The following ZNF814 variants were observed in gnomAD, a reference collection of about 807,000 sequenced individuals.
ZNF814 encodes the protein zinc finger protein 814.
In ZNF814, 5 loss-of-function variants were observed where a neutral mutation model predicts 7.5. The ratio of observed to expected loss-of-function variants is 0.67; its 90% CI spans 0.35 to 1.40. The LOEUF (loss-of-function observed/expected upper bound fraction) is 1.40, where lower values mean the gene tolerates loss of function less well. Ranked by LOEUF, ZNF814 falls within the 40% of genes most tolerant of loss-of-function variation. ZNF814 has a pLI of 0.04. For synonymous variants in ZNF814, 315 were observed against 340.7 expected (o/e 0.92, Z 0.83); for missense variants, 962 against 1,018.0 (o/e 0.94, Z 0.75).
chr19:57,897,172 C>A, the ZNF814 span, among the ~76,000 whole-genome samples: 1 of 152,134 alleles, frequency 6.6e-6, no homozygotes, highest in Non-Finnish European at 1.5e-5. Flanking sequence ...TGTAATACAG[C>A]TTCTTACATA....
the ZNF814 span, among the ~76,000 whole-genome samples, chr19:57,894,689 C>A: frequency 1.3e-5 from 2 of 151,736 alleles, no homozygotes; most frequent in Admixed American, 1.3e-4. Context: ...AAAAAATTAG[C>A]CGGGCGTGGT....
chr19:57,897,074 A>G, the ZNF814 span, among the ~76,000 whole-genome samples: 1 of 152,244 alleles, frequency 6.6e-6, no homozygotes, highest in African/African-American at 2.4e-5. Context: ...TCTGTCTGAC[A>G]AGGACCTAAA....
At position 57,888,932 on chromosome 19, in the gene ZNF814, T is replaced by C. The variant is rs1600141510; in HGVS notation, c.-130A>G. The C allele has an allele frequency of 2.0e-6, 2 of 1,023,776 alleles. No homozygotes were observed. The highest frequency in any genetic ancestry group is 2.6e-5 in the East Asian group (1 of 38,102). 63.4% of individuals were successfully genotyped at this position (1,023,776 alleles called of 1,614,324 possible). A position where few individuals can be genotyped will look rare whatever the true frequency, so the allele number is the denominator to read the frequency against. On this transcript the variant is annotated 5_prime_UTR_variant, in exon 1 of 3. Coordinates refer to ENST00000435989, the MANE Select transcript of ZNF814 (RefSeq NM_001144989.2). ...CGTCACAGAGCTCCAGAGTAGCCTC[T>C]GTGCAGCGGAGGACAACTGCTCCCC...
chr19:57,903,359 G>A, the ZNF814 span, among the ~76,000 whole-genome samples: 3 of 152,264 alleles, frequency 2.0e-5, no homozygotes, highest in African/African-American at 4.8e-5. Context: ...GGCCCAAACA[G>A]ATCAAAATAT....
At chr19:57,882,763 C>A (rs2071658745) in intron 1 of ZNF814, among the ~76,000 whole-genome samples, 1 of 150,164 alleles carries the variant, frequency 6.7e-6, no homozygotes, top group Admixed American at 6.6e-5. Flanking sequence ...CTTTCAAATA[C>A]CTGGAAACTC....
Position 57,872,293 on chromosome 19 carries a change from G to A in ZNF814, c.*529C>T, listed in dbSNP as rs1479400043. Among the ~76,000 whole-genome samples, 1 of 152,172 alleles carries A rather than the reference G, an allele frequency of 6.6e-6. No homozygotes were observed. The highest frequency in any genetic ancestry group is 1.5e-5 in the Non-Finnish European group (1 of 68,040). On this transcript the variant is annotated 3_prime_UTR_variant, in exon 3 of 3. Coordinates refer to ENST00000435989, the MANE Select transcript of ZNF814 (RefSeq NM_001144989.2). ...TGTTTTTCTCATGTCAATGTTTGAG[G>A]CTCCAATAAAAAGGCTGAAGGCTTT...
At chr19:57,894,642 A>G in the ZNF814 span, among the ~76,000 whole-genome samples, 1 of 151,494 alleles carries the variant, frequency 6.6e-6, no homozygotes, top group Admixed American at 6.6e-5. Context: ...ATCCTGGCTA[A>G]CACGGTGAAA....
At chr19:57,877,439 AT>A (rs2071615676) in intron 1 of ZNF814, among the ~76,000 whole-genome samples, 1 of 151,470 alleles carries the variant, frequency 6.6e-6, no homozygotes, top group Non-Finnish European at 1.5e-5. Flanking sequence ...CTTAAAGTAT[AT>A]TTTTTTGTTT....
chr19:57,878,028 T>G (rs2071620256), intron 1 of ZNF814, among the ~76,000 whole-genome samples: 1 of 151,746 alleles, frequency 6.6e-6, no homozygotes, highest in Non-Finnish European at 1.5e-5. Flanking sequence ...TAGCTGAGCG[T>G]GGTGTCGGGC....
At chr19:57,894,057 T>A (rs1380777631), upstream of ZNF814, among the ~76,000 whole-genome samples, 1 of 150,476 alleles carries the variant, frequency 6.6e-6, no homozygotes, top group Non-Finnish European at 1.5e-5. Flanking sequence ...CACTCCAGCC[T>A]GGGTGACAGA....
At chr19:57,902,380 G>A in the ZNF814 span, among the ~76,000 whole-genome samples, 25 of 152,218 alleles carry the variant, frequency 1.6e-4, no homozygotes, top group African/African-American at 5.5e-4. Flanking sequence ...AACCATACAC[G>A]GTACATTCAG....
At chr19:57,876,383 T>G (rs552891018) in intron 2 of ZNF814, 2 of 155,584 alleles carry the variant, frequency 1.3e-5, no homozygotes, top group Admixed American at 1.3e-4. Context: ...ACATGGGACA[T>G]GAATGATGCA....
chr19:57,888,304 C>T (rs1342443998), intron 1 of ZNF814, among the ~76,000 whole-genome samples: 1 of 152,234 alleles, frequency 6.6e-6, no homozygotes, highest in Admixed American at 6.5e-5. Context: ...CCTTCGAACT[C>T]CATTTAGCTC....
chr19:57,880,053 T>C (rs570316541), intron 1 of ZNF814, among the ~76,000 whole-genome samples: 590 of 115,746 alleles, frequency 5.1e-3, no homozygotes, highest in Middle Eastern at 0.026. Flanking sequence ...GCAGAGATCA[T>C]GCTACTGCAC....
At chr19:57,894,624 T>C in the ZNF814 span, among the ~76,000 whole-genome samples, 6 of 151,112 alleles carry the variant, frequency 4.0e-5, no homozygotes, top group African/African-American at 1.5e-4. Context: ...GGTCAGGAGA[T>C]CCAGACCATC....
upstream of ZNF814, among the ~76,000 whole-genome samples, chr19:57,892,747 G>C (rs555362640): frequency 7.2e-5 from 11 of 151,800 alleles, no homozygotes; most frequent in Admixed American, 5.3e-4. Context: ...CAATGGGAGT[G>C]GGGGGGGCTT....
At chr19:57,877,892 C>G (rs13343787) in intron 1 of ZNF814, among the ~76,000 whole-genome samples, 43,945 of 151,854 alleles carry the variant, frequency 0.29, 6,667 homozygotes, top group East Asian at 0.48. Context: ...GAGCCAGGCG[C>G]GGTGGCTCAC....
the ZNF814 span, among the ~76,000 whole-genome samples, chr19:57,895,899 A>G: frequency 6.6e-6 from 1 of 152,196 alleles, no homozygotes; most frequent in Non-Finnish European, 1.5e-5. Context: ...TAAGAGAGTA[A>G]AGTGATGACA....
In ZNF814 at chr19:57,871,656, CAT is replaced by C. The variant is rs537878115; in HGVS notation, c.*1164_*1165del. On this transcript the variant is annotated 3_prime_UTR_variant, in exon 3 of 3. Coordinates refer to ENST00000435989, the MANE Select transcript of ZNF814 (RefSeq NM_001144989.2). ...TGATACCCACAAGATCTCTGAAAGACATAGTCCGTCTTTTCAAGTCAACGTAA... is the reference window on the plus strand; with the variant it reads ...TGATACCCACAAGATCTCTGAAAGACAGTCCGTCTTTTCAAGTCAACGTAA... 4 of 152,114 alleles carry C rather than the reference CAT, an allele frequency of 2.6e-5. No homozygotes were observed. Among genetic ancestry groups the C allele is most frequent in the South Asian group, 2.1e-4 (1 of 4,820 alleles). The allele number at this position is 152,114 out of a possible 1,614,324, so 9.4% of individuals were successfully genotyped here.
Sources: gnomAD v4.1 joint callset for allele counts (sites outside exome capture counted in the v4.1 genomes callset) on GRCh38, gnomAD v4.1.1 for gene constraint, MANE v1.5 for transcripts, NCBI Gene and HGNC (gene_info 2026-07-23, HGNC 2026-07-21) for gene names.